Variants in ARMC2 observed in about 807,000 individuals in gnomAD.
ARMC2 encodes armadillo repeat-containing protein 2.
A neutral mutation model predicts 90.3 loss-of-function variants in ARMC2; 67 were observed. That is an observed-to-expected ratio of 0.74 (90% CI 0.61 to 0.91). ARMC2 has a LOEUF of 0.91. Among genes scored for constraint, ARMC2 ranks in the 40% least tolerant of loss-of-function variants. The probability of loss-of-function intolerance (pLI) is 0.00; values close to 1 mark genes in which losing one functional copy is unlikely to be tolerated. For synonymous variants in ARMC2, 393 were observed against 393.0 expected (o/e 1.00, Z 0.00); for missense variants, 920 against 1,030.9 (o/e 0.89, Z 1.47).
the ARMC2 span, among the ~76,000 whole-genome samples, chr6:109,033,601 T>A: frequency 6.6e-6 from 1 of 152,140 alleles, no homozygotes; most frequent in African/African-American, 2.4e-5. Context: ...AAAAATGAGA[T>A]CTAGATTGCA....
the ARMC2 span, among the ~76,000 whole-genome samples, chr6:108,985,788 T>A: frequency 3.3e-5 from 5 of 152,218 alleles, no homozygotes; most frequent in Non-Finnish European, 5.9e-5. Flanking sequence ...ATTGCTCTGG[T>A]GAGAGAACTC....
At chr6:108,924,590 C>A (rs913063180) in intron 10 of ARMC2, among the ~76,000 whole-genome samples, 6 of 152,178 alleles carry the variant, frequency 3.9e-5, no homozygotes, top group African/African-American at 1.4e-4. Flanking sequence ...TATTCAAAGG[C>A]ATGGCGTCAT....
chr6:108,905,616 A>G (rs1001058689), intron 8 of ARMC2, among the ~76,000 whole-genome samples: 1 of 152,188 alleles, frequency 6.6e-6, no homozygotes, highest in Non-Finnish European at 1.5e-5. Context: ...AATGCTTTGC[A>G]GAGTAAATAT....
At chr6:108,886,028 T>A (rs557341895) in intron 5 of ARMC2, among the ~76,000 whole-genome samples, 121 of 152,334 alleles carry the variant, frequency 7.9e-4, no homozygotes, top group African/African-American at 2.7e-3. Flanking sequence ...CTACCTGCCT[T>A]GATCCTACAC....
chr6:108,980,913 C>T, the ARMC2 span, among the ~76,000 whole-genome samples: 8 of 152,116 alleles, frequency 5.3e-5, no homozygotes, highest in Non-Finnish European at 1.2e-4. Flanking sequence ...AACAAAAAAA[C>T]CTACATTTCC....
the ARMC2 span, among the ~76,000 whole-genome samples, chr6:109,049,858 G>A: frequency 6.7e-4 from 102 of 151,880 alleles, no homozygotes; most frequent in Non-Finnish European, 1.4e-3. Context: ...GTTGCATCAT[G>A]GGAATTAAAT....
rs560799857 is a variant in ARMC2, at chr6:108,913,911, T to G, written c.1350+1353T>G. ...CCTTCTCTCTCCTCATTTAACAATATGTAGTAAAAATCCCTTGAGTTAACC... is the reference window on the plus strand; with the variant it reads ...CCTTCTCTCTCCTCATTTAACAATAGGTAGTAAAAATCCCTTGAGTTAACC... On this transcript the variant is annotated intron_variant, in intron 10 of 17. Coordinates refer to ENST00000392644, the MANE Select transcript of ARMC2 (RefSeq NM_032131.6). Among the ~76,000 whole-genome samples the G allele has an allele frequency of 2.6e-5, 4 of 152,348 alleles. No homozygotes were observed. In the East Asian group the frequency reaches 5.8e-4, roughly 22 times the overall value.
At chr6:108,999,759 C>T in the ARMC2 span, among the ~76,000 whole-genome samples, 4 of 152,102 alleles carry the variant, frequency 2.6e-5, no homozygotes, top group Non-Finnish European at 5.9e-5. Context: ...ATCCACAAAT[C>T]GCACACCTAA....
chr6:108,937,886 CG>C (rs1776087694), intron 12 of ARMC2, among the ~76,000 whole-genome samples: 12 of 151,836 alleles, frequency 7.9e-5, no homozygotes, highest in African/African-American at 2.9e-4. Context: ...TTAGTAGAGA[CG>C]AGGTTTCACC....
Position 108,886,889 on chromosome 6 carries a change from TTTTTG to T in ARMC2, c.672-7574_672-7570del, listed in dbSNP as rs944917764. Among the ~76,000 whole-genome samples the T allele has an allele frequency of 5.6e-3, 839 of 149,922 alleles. 5 individuals are homozygous for T. The highest frequency in any genetic ancestry group is 0.014 in the African/African-American group (590 of 41,324). On this transcript the variant is annotated intron_variant, in intron 5 of 17. Transcript: ENST00000392644. ...GCAAAGTCTGAATTTTATAGTTTTT[TTTTTG>T]TTTGTTTGTTTTGTTTTTTTTTTTG...
At chr6:108,915,152 C>T (rs1773824761) in intron 10 of ARMC2, among the ~76,000 whole-genome samples, 2 of 152,048 alleles carry the variant, frequency 1.3e-5, no homozygotes. Flanking sequence ...GACAGGGTTT[C>T]ACCATGTTGG....
chr6:108,924,621 T>C (rs1359587776), intron 10 of ARMC2, among the ~76,000 whole-genome samples: 1 of 152,160 alleles, frequency 6.6e-6, no homozygotes, highest in Non-Finnish European at 1.5e-5. Context: ...GGACCTCATG[T>C]GGTGCAGAGT....
downstream of ARMC2, among the ~76,000 whole-genome samples, chr6:108,978,222 G>C (rs193301197): frequency 2.5e-3 from 378 of 152,290 alleles, 3 homozygotes; most frequent in Non-Finnish European, 4.7e-3. Context: ...TGGTTTCAAA[G>C]AATGTCTTTA....
At chr6:109,009,326 C>T in the ARMC2 span, 3 of 1,460,050 alleles carry the variant, frequency 2.1e-6, no homozygotes, top group Non-Finnish European at 2.7e-6. Context: ...CGCCCAGGTA[C>T]CCAGCGGCCC....
chr6:108,953,321 G>T lies in ARMC2; in HGVS notation c.1885G>T (p.Gly629Trp). The T allele has an allele frequency of 6.2e-7, 1 of 1,608,022 alleles. No homozygotes were observed. The change falls in exon 13 of 18, where the codon GGG becomes TGG. Residue 629 changes from glycine to tryptophan, a missense_variant. Gly to Trp is a radical substitution (Grantham distance 184). Coordinates refer to ENST00000392644, the MANE Select transcript of ARMC2 (RefSeq NM_032131.6). ...GGGCCCGGTGCTGGCCGCCAACCCG[G>T]GGATAGTGGGCCTGCTCCTGACCAC... ...GVGPVLAANP[G>W]IVGLLLTTLE... is the part of the protein sequence containing the mutation.
the ARMC2 span, among the ~76,000 whole-genome samples, chr6:108,982,045 A>G: frequency 6.6e-6 from 1 of 152,184 alleles, no homozygotes; most frequent in Non-Finnish European, 1.5e-5. Flanking sequence ...TCATCTGTCA[A>G]TGAACATTTG....
At chr6:108,895,201 G>A (rs186293942) in intron 6 of ARMC2, among the ~76,000 whole-genome samples, 113 of 150,432 alleles carry the variant, frequency 7.5e-4, no homozygotes, top group Admixed American at 2.6e-3. Context: ...GGTGGCTCAC[G>A]CCTGTAATCC....
the ARMC2 span, chr6:109,002,489 T>A: frequency 1.6e-6 from 1 of 616,128 alleles, no homozygotes. Context: ...ACATACCAAC[T>A]CTTCTGTTAG....
chr6:109,025,002 T>C, the ARMC2 span, among the ~76,000 whole-genome samples: 1 of 151,106 alleles, frequency 6.6e-6, no homozygotes, highest in African/African-American at 2.4e-5. Context: ...AGGGAGACAG[T>C]GAGCACTAAG....
Sources: gnomAD v4.1 joint callset for allele counts (sites outside exome capture counted in the v4.1 genomes callset) on GRCh38, gnomAD v4.1.1 for gene constraint, MANE v1.5 for transcripts, NCBI Gene and HGNC (gene_info 2026-07-23, HGNC 2026-07-21) for gene names.